FMN1: variants seen among roughly 807,000 people sequenced by gnomAD.
FMN1 encodes the protein formin-1.
A neutral mutation model predicts 132.4 loss-of-function variants in FMN1; 110 were observed. The observed-to-expected ratio is 0.83, with a 90% confidence interval of 0.71 to 0.97. The LOEUF (loss-of-function observed/expected upper bound fraction) is 0.97. Ranked by LOEUF, FMN1 falls within the 50% of genes least tolerant of loss-of-function variation. The pLI, the probability that FMN1 is intolerant of heterozygous loss-of-function variation, is 0.00. For missense variants in FMN1, 1,792 were observed against 1,705.3 expected, an observed-to-expected ratio of 1.05 and a Z score of -0.90; for synonymous variants, 722 against 651.7, an observed-to-expected ratio of 1.11 and a Z score of -1.64.
At chr15:33,141,706 C>T (rs7171510) in intron 4 of FMN1, among the ~76,000 whole-genome samples, 9,955 of 152,226 alleles carry the variant, frequency 0.065, 371 homozygotes, top group Non-Finnish European at 0.07. Context: ...ATTGGTCAGG[C>T]CTGCGCTTGA....
At chr15:32,888,416 A>T (rs1345082130) in intron 15 of FMN1, 124 bp from the exon 16 acceptor site, 1 of 781,548 alleles carries the variant, frequency 1.3e-6, no homozygotes, top group African/African-American at 1.7e-5. Context: ...AATCATAGCA[A>T]TGCTCCTCTG....
intron 17 of FMN1, among the ~76,000 whole-genome samples, chr15:32,818,063 T>C (rs961993947): frequency 4.6e-5 from 7 of 152,188 alleles, no homozygotes; most frequent in Admixed American, 1.3e-4. Flanking sequence ...TGCATAAGAC[T>C]TTCTCTGAGC....
At chr15:32,781,444 A>T (rs1032696410) in intron 19 of FMN1, among the ~76,000 whole-genome samples, 1 of 152,226 alleles carries the variant, frequency 6.6e-6, no homozygotes, top group Admixed American at 6.5e-5. Context: ...TGTGCACTGG[A>T]CAATAAATTA....
In FMN1 at chr15:32,973,668, A is replaced by G. The variant is rs542568087; in HGVS notation, c.2224-4191T>C. ...TTGTCTTGGTTGTGTTCATGACCTC[A>G]GTGTGGCAGAGCAACTCAAAGTGAT... is the stretch of plus-strand genomic sequence containing the variant. On this transcript the variant is annotated intron_variant, in intron 7 of 20. Transcript: ENST00000616417. Among the ~76,000 whole-genome samples the G allele has an allele frequency of 3.3e-5, 5 of 151,606 alleles. No individual in the cohort carries two copies. The East Asian group carries it at 9.7e-4, about 29-fold the overall frequency.
rs190151936 is a variant in FMN1, at chr15:33,193,280, G to T, written c.-197+629C>A. 2.1e-4 allele frequency among the ~76,000 whole-genome samples: 32 copies of T among 152,234 alleles called. No individual in the cohort carries two copies. In the East Asian group the frequency reaches 4.2e-3, roughly 20 times the overall value. On this transcript the variant is annotated intron_variant, in intron 2 of 20. Coordinates refer to ENST00000616417, the MANE Select transcript of FMN1 (RefSeq NM_001277313.2). ...ATACTGTTTTCCCTCCCAAAAAAGG[G>T]TTAATAAGTCTGTGATCCAAGAGAT...
chr15:33,133,264 C>T (rs541244332), intron 4 of FMN1, among the ~76,000 whole-genome samples: 4 of 152,166 alleles, frequency 2.6e-5, no homozygotes, highest in Non-Finnish European at 4.4e-5. Context: ...AAGAACAGTG[C>T]GCTGGGAGTC....
intron 5 of FMN1, among the ~76,000 whole-genome samples, chr15:33,082,706 G>C (rs919190612): frequency 6.6e-6 from 1 of 152,128 alleles, no homozygotes; most frequent in Admixed American, 6.5e-5. Context: ...ATAAAAAACT[G>C]ACTCTTCAGG....
intron 5 of FMN1, among the ~76,000 whole-genome samples, chr15:33,086,456 T>TAA (rs2038699709): frequency 6.6e-6 from 1 of 152,060 alleles, no homozygotes; most frequent in Admixed American, 6.6e-5. Flanking sequence ...AAATTTTCTA[T>TAA]AAGGATTGTG....
chr15:33,047,076 T>C (rs927905008), intron 6 of FMN1, among the ~76,000 whole-genome samples: 1 of 152,212 alleles, frequency 6.6e-6, no homozygotes, highest in South Asian at 2.1e-4. Flanking sequence ...TGTAACCACA[T>C]GGCAGTATTT....
chr15:32,986,186 G>A (rs1455825464), intron 7 of FMN1, among the ~76,000 whole-genome samples: 1 of 152,090 alleles, frequency 6.6e-6, no homozygotes, highest in African/African-American at 2.4e-5. Context: ...TCCAGGAAGA[G>A]GCAGAAGTTT....
intron 6 of FMN1, among the ~76,000 whole-genome samples, chr15:33,035,876 GATTA>G (rs1185470313): frequency 6.6e-6 from 1 of 152,186 alleles, no homozygotes; most frequent in Non-Finnish European, 1.5e-5. Flanking sequence ...CTCATGAATA[GATTA>G]ATTTATTCAC....
chr15:33,074,972 G>A (rs1207041939), intron 5 of FMN1, among the ~76,000 whole-genome samples: 1 of 130,646 alleles, frequency 7.7e-6, no homozygotes, highest in Non-Finnish European at 1.5e-5. Flanking sequence ...AGTGAGCCGA[G>A]ATGGCACTAC....
intron 2 of FMN1, among the ~76,000 whole-genome samples, chr15:33,183,077 A>G (rs546209021): frequency 1.4e-4 from 22 of 152,236 alleles, no homozygotes; most frequent in Admixed American, 1.0e-3. Context: ...GACTTACACC[A>G]CTGTGTTATA....
intron 4 of FMN1, among the ~76,000 whole-genome samples, chr15:33,097,918 A>C (rs2039149216): frequency 1.3e-5 from 2 of 152,232 alleles, no homozygotes; most frequent in Non-Finnish European, 2.9e-5. Flanking sequence ...TCACATTTAT[A>C]ACACACTCCA....
chr15:33,193,613 C>T (rs1966157197), intron 2 of FMN1, among the ~76,000 whole-genome samples: 1 of 152,160 alleles, frequency 6.6e-6, no homozygotes, highest in Non-Finnish European at 1.5e-5. Context: ...TCAGTGACTG[C>T]CACTCCCCAT....
At chr15:32,857,619 G>A (rs182390224) in intron 16 of FMN1, among the ~76,000 whole-genome samples, 1 of 152,192 alleles carries the variant, frequency 6.6e-6, no homozygotes, top group African/African-American at 2.4e-5. Context: ...AGACCAGGTC[G>A]GGGAGGACCC....
rs145253552 is a variant in FMN1, at chr15:32,783,832, G to A, written c.4131-6913C>T. Among the ~76,000 whole-genome samples, 1,295 of 145,056 alleles carry A rather than the reference G, an allele frequency of 8.9e-3. 15 individuals are homozygous for A. Among genetic ancestry groups the A allele is most frequent in the African/African-American group, 0.03 (1,195 of 39,350 alleles). On this transcript the variant is annotated intron_variant, in intron 19 of 20. Transcript: ENST00000616417. ...CATTTAGAGATTTAGGCTCCCCACT[G>A]TTATAGCCTCATCTTTTGGGAAAGC...
At chr15:32,891,591 C>T (rs2060031534) in intron 15 of FMN1, among the ~76,000 whole-genome samples, 1 of 152,114 alleles carries the variant, frequency 6.6e-6, no homozygotes, top group Non-Finnish European at 1.5e-5. Flanking sequence ...ATGGAGACTG[C>T]ACTGAATTTG....
intron 4 of FMN1, chr15:33,151,127 T>C (rs1482156446): frequency 3.5e-6 from 5 of 1,417,822 alleles, no homozygotes; most frequent in South Asian, 3.2e-5. Flanking sequence ...AGACAGAGGA[T>C]ACAAATCAAA....
Sources: allele counts gnomAD v4.1 joint callset (sites outside exome capture counted in the v4.1 genomes callset), GRCh38; gene constraint gnomAD v4.1.1; transcripts MANE v1.5; gene names NCBI Gene and HGNC (gene_info 2026-07-23, HGNC 2026-07-21).